Variants in HERC5 observed in about 807,000 individuals in gnomAD.
HERC5 encodes HECT and RLD domain containing E3 ubiquitin protein ligase 5.
A neutral mutation model predicts 119.6 loss-of-function variants in HERC5; 99 were observed. The observed-to-expected ratio is 0.83, with a 90% CI of 0.70 to 0.98. The LOEUF (loss-of-function observed/expected upper bound fraction) is 0.98. Among genes scored for constraint, HERC5 ranks in the 50% least tolerant of loss-of-function variants. The pLI, the probability that HERC5 is intolerant of heterozygous loss-of-function variation, is 0.00. For missense variants in HERC5, 1,267 were observed against 1,241.3 expected (o/e 1.02, Z -0.31); for synonymous variants, 478 against 445.9 (o/e 1.07, Z -0.91).
intron 4 of HERC5, 67 bp from the exon 5 acceptor site, chr4:88,463,465 C>A: frequency 2.0e-6 from 2 of 998,760 alleles, no homozygotes; most frequent in Non-Finnish European, 1.6e-6. Context: ...AGCAGCAGTC[C>A]AGGTAACTCC....
In HERC5 at chr4:88,463,523, C is replaced by T; in HGVS notation, c.689-9C>T. ...TTTGGTCACTTCAGCTATTTTTTTC[C>T]TTACATAGGTAAAGATGATCCATCC... is the stretch of plus-strand genomic sequence containing the variant. On this transcript the variant is annotated splice_polypyrimidine_tract_variant and intron_variant, in intron 4 of 22. Coordinates refer to ENST00000264350, the MANE Select transcript of HERC5 (RefSeq NM_016323.4). 1 of 1,599,108 alleles carries T rather than the reference C, an allele frequency of 6.3e-7. No homozygotes were observed.
chr4:88,503,248 A>T (rs1325208571), intron 20 of HERC5, among the ~76,000 whole-genome samples: 2 of 152,152 alleles, frequency 1.3e-5, no homozygotes, highest in Non-Finnish European at 2.9e-5. Flanking sequence ...GAACCTATAG[A>T]TCAATTTTTT....
intron 6 of HERC5, among the ~76,000 whole-genome samples, 178 bp downstream of exon 6, chr4:88,464,163 C>G (rs879010252): frequency 1.8e-5 from 2 of 113,642 alleles, no homozygotes; most frequent in African/African-American, 3.3e-5. Flanking sequence ...TGGTTGTTTT[C>G]TTTGATTTTT....
chr4:88,465,117 GTTGGCCAGGCTGGTC>G (rs1438361884), intron 6 of HERC5, among the ~76,000 whole-genome samples: 1 of 152,146 alleles, frequency 6.6e-6, no homozygotes, highest in Non-Finnish European at 1.5e-5. Context: ...GTTTCACCGT[GTTGGCCAGGCTGGTC>G]TTGAACTCCT....
intron 20 of HERC5, among the ~76,000 whole-genome samples, chr4:88,504,014 C>G (rs1454972194): frequency 6.6e-6 from 1 of 151,618 alleles, no homozygotes; most frequent in African/African-American, 2.4e-5. Flanking sequence ...TTGCAATAAG[C>G]TAAGATCGCA....
chr4:88,466,974 A>G, intron 6 of HERC5, 85 bp from the exon 7 acceptor site: 1 of 1,335,448 alleles, frequency 7.5e-7, no homozygotes, highest in Non-Finnish European at 1.1e-6. Context: ...ACTGGGTAAC[A>G]TAGTTTTGGC....
chr4:88,473,141 A>G (rs962596226), intron 11 of HERC5: 1 of 151,844 alleles, frequency 6.6e-6, no homozygotes, highest in Admixed American at 6.6e-5. Flanking sequence ...ATCTCGGCTT[A>G]CTGCATGCTT....
intron 6 of HERC5, among the ~76,000 whole-genome samples, chr4:88,464,597 T>G (rs952420407): frequency 3.3e-5 from 5 of 150,242 alleles, no homozygotes; most frequent in African/African-American, 7.3e-5. Flanking sequence ...GGTTTTTGGT[T>G]TTTTTTTTTG....
At chr4:88,478,903 T>C (rs776437160) in intron 12 of HERC5, among the ~76,000 whole-genome samples, 2 of 152,054 alleles carry the variant, frequency 1.3e-5, no homozygotes, top group African/African-American at 2.4e-5. Context: ...TGAGCCACCA[T>C]GCCTGGCCTA....
intron 11 of HERC5, among the ~76,000 whole-genome samples, chr4:88,475,510 G>T (rs1439614735): frequency 6.6e-6 from 1 of 151,668 alleles, no homozygotes; most frequent in Admixed American, 6.6e-5. Flanking sequence ...GTAGAGACAG[G>T]GTTTCACCAT....
intron 18 of HERC5, among the ~76,000 whole-genome samples, chr4:88,496,042 C>CA (rs1741787393): frequency 1.3e-5 from 2 of 152,166 alleles, no homozygotes; most frequent in Admixed American, 1.3e-4. Context: ...CAGGAATACA[C>CA]AAATATCTGT....
chr4:88,472,010 TTCTGAGGCAGGA>T (rs961206533), intron 10 of HERC5, among the ~76,000 whole-genome samples: 2 of 151,412 alleles, frequency 1.3e-5, no homozygotes, highest in African/African-American at 2.4e-5. Flanking sequence ...TTCTTTCTTT[TTCTGAGGCAGGA>T]TCTTGCTCTG....
chr4:88,486,868 G>C (rs1051705981), intron 14 of HERC5, among the ~76,000 whole-genome samples: 3 of 152,154 alleles, frequency 2.0e-5, no homozygotes, highest in African/African-American at 7.2e-5. Context: ...AATTAAATGG[G>C]CACTAAACAT....
chr4:88,504,171 C>T (rs1471245202), intron 20 of HERC5, 61 bp from the exon 21 acceptor site: 6 of 1,057,848 alleles, frequency 5.7e-6, no homozygotes, highest in African/African-American at 4.8e-5. Context: ...TTATTTTTAG[C>T]CCCTCACCAT....
At chr4:88,492,813 T>C (rs1741688143) in intron 16 of HERC5, among the ~76,000 whole-genome samples, 199 bp from the exon 17 acceptor site, 1 of 152,152 alleles carries the variant, frequency 6.6e-6, no homozygotes, top group Non-Finnish European at 1.5e-5. Context: ...GGAAAAGTTA[T>C]TTAAATTCTC....
chr4:88,487,014 T>C lies in HERC5; in HGVS notation c.1852-55T>C, dbSNP rs188898131. 7 of 1,226,100 alleles carry C rather than the reference T, an allele frequency of 5.7e-6. No homozygotes were observed. In the Admixed American group the frequency reaches 5.7e-5, roughly 10 times the overall value. 76.0% of individuals were successfully genotyped at this position (1,226,100 alleles called of 1,614,324 possible). On this transcript the variant is annotated intron_variant, in intron 14 of 22. Transcript: ENST00000264350. ...AGGGATGTAAGGCTATGAGGTAAAG[T>C]GTAAGGTTTCTCTGTCCTTTAACTT...
chr4:88,503,236 C>G (rs1014071351), intron 20 of HERC5, among the ~76,000 whole-genome samples: 8 of 152,008 alleles, frequency 5.3e-5, no homozygotes, highest in Non-Finnish European at 1.0e-4. Context: ...ACTGATTATA[C>G]TGAACCTATA....
intron 7 of HERC5, 63 bp downstream of exon 7, chr4:88,467,267 C>G: frequency 6.6e-7 from 1 of 1,524,582 alleles, no homozygotes; most frequent in African/African-American, 1.4e-5. Context: ...ATTTTTCTAA[C>G]TAGGTAATGT....
At chr4:88,482,760 A>T (rs1284420495) in intron 13 of HERC5, among the ~76,000 whole-genome samples, 3 of 152,112 alleles carry the variant, frequency 2.0e-5, no homozygotes, top group Non-Finnish European at 4.4e-5. Flanking sequence ...ATTCCCAAGT[A>T]CCTGGGATTA....
Sources: gnomAD v4.1 joint callset for allele counts (sites outside exome capture counted in the v4.1 genomes callset) on GRCh38, gnomAD v4.1.1 for gene constraint, MANE v1.5 for transcripts, NCBI Gene and HGNC (gene_info 2026-07-23, HGNC 2026-07-21) for gene names.